MDC1: variants seen among roughly 807,000 people sequenced by gnomAD.
The protein encoded by MDC1 is mediator of DNA damage checkpoint protein 1.
MDC1 carries 81 observed loss-of-function variants against 142.5 expected under a neutral mutation model. That is an observed-to-expected ratio of 0.57 (90% confidence interval 0.47 to 0.68). The LOEUF (loss-of-function observed/expected upper bound fraction) is 0.68, where lower values mean the gene tolerates loss of function less well. Among genes scored for constraint, MDC1 ranks in the 30% least tolerant of loss-of-function variants. The pLI, the probability that MDC1 is intolerant of heterozygous loss-of-function variation, is 0.00. For missense variants in MDC1, 2,119 were observed against 2,547.9 expected (o/e 0.83, Z 3.62); for synonymous variants, 797 against 968.4 (o/e 0.82, Z 3.29).
At chr6:30,702,523 T>A (rs1416528743) in intron 14 of MDC1, 30 bp downstream of exon 14, 2 of 1,492,894 alleles carry the variant, frequency 1.3e-6, no homozygotes, top group Non-Finnish European at 1.8e-6. Context: ...CACTGCCACC[T>A]CACCCAGACC....
Position 30,703,298 on chromosome 6 carries a change from T to G in MDC1, c.5683-12A>C, listed in dbSNP as rs1348020025. 2 of 1,609,614 alleles carry G rather than the reference T, an allele frequency of 1.2e-6. No individual in the cohort carries two copies. Among genetic ancestry groups the G allele is most frequent in the Non-Finnish European group, 1.7e-6 (2 of 1,177,408 alleles). Reference sequence around the variant, plus strand: ...CCTGTGAAGAGCACCTGTGGAAGGGTTGACCTGAGGTGGTTACGGCAACCC... The same window carrying G: ...CCTGTGAAGAGCACCTGTGGAAGGGGTGACCTGAGGTGGTTACGGCAACCC... On this transcript the variant is annotated splice_polypyrimidine_tract_variant and intron_variant, in intron 11 of 14. Transcript: ENST00000376406. The surrounding 1 kb of genome is among the most constrained non-coding windows in gnomAD (Gnocchi z 4.4).
At position 30,707,258 on chromosome 6, in the gene MDC1, C is replaced by T. The variant is rs932878735; in HGVS notation, c.3084+126G>A. 2.7e-5 allele frequency: 27 copies of T among 995,416 alleles called. No homozygotes were observed. The African/African-American group carries it at 2.9e-4, about 11-fold the overall frequency. The allele number at this position is 995,416 out of a possible 1,614,324, so 61.7% of individuals were successfully genotyped here. On this transcript the variant is annotated intron_variant, in intron 9 of 14. Transcript: ENST00000376406. ...ATAAAGGAATAGAAGCCAATCAAGG[C>T]GTGACAAAAATGGAAGAAAACTGAA...
In MDC1 at chr6:30,713,527, T is replaced by C; in HGVS notation, c.587+121A>G. 8.0e-7 allele frequency: 1 copy of C among 1,253,314 alleles called. No individual in the cohort carries two copies. The highest frequency in any genetic ancestry group is 1.5e-5 in the South Asian group (1 of 67,258). The allele number at this position is 1,253,314 out of a possible 1,614,324, so 77.6% of individuals were successfully genotyped here. ...CTCCATAAAAATTCAGCTGAGTGAA[T>C]GAATATGTATGGTTCCCCAGCCCCA... On this transcript the variant is annotated intron_variant, in intron 4 of 14. Transcript: ENST00000376406. This position sits in a 1 kb window ranked among gnomAD's most constrained non-coding sequence, Gnocchi z 4.9.
Position 30,703,331 on chromosome 6 carries a change from C to T in MDC1, c.5683-45G>A. ...AGGTGGTTACGGCAACCCATGCCATCAGCACCCATCTCTACAATCCTCTAG... is the reference window on the plus strand; with the variant it reads ...AGGTGGTTACGGCAACCCATGCCATTAGCACCCATCTCTACAATCCTCTAG... On this transcript the variant is annotated intron_variant, in intron 11 of 14. Coordinates refer to ENST00000376406, the MANE Select transcript of MDC1 (RefSeq NM_014641.3). The surrounding 1 kb of genome is among the most constrained non-coding windows in gnomAD (Gnocchi z 4.4). 1.2e-6 allele frequency: 2 copies of T among 1,610,014 alleles called. No homozygotes were observed. The highest frequency in any genetic ancestry group is 1.7e-6 in the Non-Finnish European group (2 of 1,177,612).
Position 30,715,051 on chromosome 6 carries a change from C to T in MDC1, c.125G>A (p.Gly42Glu), listed in dbSNP as rs1775471002. 6.2e-7 allele frequency: 1 copy of T among 1,614,126 alleles called. No homozygotes were observed. The highest frequency in any genetic ancestry group is 8.5e-7 in the Non-Finnish European group (1 of 1,180,026). ...CAATACCCTCTGACCTTTTTCTGGT[C>T]CATGGGCACCACTAAAGATATGTAG... ...GRLHIFSGAH[G>E]PEKDFPLHLG... is the part of the protein sequence containing the mutation. The change falls in exon 2 of 15, where the codon GGA becomes GAA. Residue 42 changes from glycine (G) to glutamate (E), a missense_variant. Physicochemically the swap from Gly to Glu is moderately conservative, Grantham distance 98. Coordinates refer to ENST00000376406, the MANE Select transcript of MDC1 (RefSeq NM_014641.3). This position sits in a 1 kb window ranked among gnomAD's most constrained non-coding sequence, Gnocchi z 4.1.
At chr6:30,702,256 C>CAAAAAAAAAAAAAA (rs57764077) in intron 14 of MDC1, among the ~76,000 whole-genome samples, 7 of 59,140 alleles carry the variant, frequency 1.2e-4, no homozygotes, top group East Asian at 9.3e-4. Context: ...GACTCCATCT[C>CAAAAAAAAAAAAAA]AAAAAAAAAA....
At chr6:30,711,782 C>G in intron 5 of MDC1, 56 bp from the exon 6 acceptor site, 1 of 1,586,148 alleles carries the variant, frequency 6.3e-7, no homozygotes, top group East Asian at 2.2e-5. Context: ...TGACACTAAA[C>G]TCCTTAAATA....
At position 30,703,315 on chromosome 6, in the gene MDC1, C is replaced by A. The variant is rs775751090; in HGVS notation, c.5683-29G>T. On this transcript the variant is annotated intron_variant, in intron 11 of 14. Coordinates refer to ENST00000376406, the MANE Select transcript of MDC1 (RefSeq NM_014641.3). This position sits in a 1 kb window ranked among gnomAD's most constrained non-coding sequence, Gnocchi z 4.4. Reference sequence around the variant, plus strand: ...TGGAAGGGTTGACCTGAGGTGGTTACGGCAACCCATGCCATCAGCACCCAT... The same window carrying A: ...TGGAAGGGTTGACCTGAGGTGGTTAAGGCAACCCATGCCATCAGCACCCAT... The A allele has an allele frequency of 6.2e-7, 1 of 1,608,226 alleles. No individual in the cohort carries two copies. The highest frequency in any genetic ancestry group is 8.5e-7 in the Non-Finnish European group (1 of 1,176,386).
At position 30,713,800 on chromosome 6, in the gene MDC1, T is replaced by G; in HGVS notation, c.517+3A>C. On this transcript the variant is annotated splice_donor_region_variant and intron_variant, in intron 3 of 14. Transcript: ENST00000376406. This position sits in a 1 kb window ranked among gnomAD's most constrained non-coding sequence, Gnocchi z 4.9. ...CATTCTCCCTGCCAATATACAAACT[T>G]ACCTACTTCCTCCTCCGAGTCCTCA... The G allele has an allele frequency of 6.2e-7, 1 of 1,613,852 alleles. No individual in the cohort carries two copies. The highest frequency in any genetic ancestry group is 8.5e-7 in the Non-Finnish European group (1 of 1,179,788).
chr6:30,713,904 A>G lies in MDC1; in HGVS notation c.416T>C (p.Phe139Ser), dbSNP rs769616299. 6.2e-7 allele frequency: 1 copy of G among 1,613,586 alleles called. No individual in the cohort carries two copies. The highest frequency in any genetic ancestry group is 1.3e-5 in the African/African-American group (1 of 74,894). The stretch of plus-strand genomic sequence containing the variant: ...TACTGTCAGAGGGCCCCGGGAGACA[A>G]AGGGCAGAGAGACATCCAGGCGATG... ...QYHRLDVSLP[F>S]VSRGPLTVEE... The change falls in exon 3 of 15, where the codon TTT becomes TCT. Residue 139 changes from phenylalanine (F) to serine (S), a missense_variant. Coordinates refer to ENST00000376406, the MANE Select transcript of MDC1 (RefSeq NM_014641.3). This position sits in a 1 kb window ranked among gnomAD's most constrained non-coding sequence, Gnocchi z 4.9.
In MDC1 at chr6:30,703,603, TCCCAA is replaced by T. The variant is rs1773173812; in HGVS notation, c.5562+13_5562+17del. On this transcript the variant is annotated intron_variant, in intron 10 of 14. Transcript: ENST00000376406. The surrounding 1 kb of genome is among the most constrained non-coding windows in gnomAD (Gnocchi z 4.4). ...GAAGTCATTTTTCCCAGCTTTGTGGTCCCAACCCTCTCCTCACCTCTTCCTTCCCT... is the reference window on the plus strand; with the variant it reads ...GAAGTCATTTTTCCCAGCTTTGTGGTCCCTCTCCTCACCTCTTCCTTCCCT... 1.2e-6 allele frequency: 2 copies of T among 1,610,474 alleles called. No homozygotes were observed. Among genetic ancestry groups the T allele is most frequent in the East Asian group, 4.5e-5 (2 of 44,878 alleles).
chr6:30,708,288 TCA>T lies in MDC1; in HGVS notation c.2289_2290del (p.Glu764AspfsTer5), dbSNP rs772873032. 6.2e-7 allele frequency: 1 copy of T among 1,612,890 alleles called. No individual in the cohort carries two copies. The highest frequency in any genetic ancestry group is 1.7e-5 in the Admixed American group (1 of 60,002). On this transcript the variant is annotated frameshift_variant, in exon 8 of 15. Coordinates refer to ENST00000376406, the MANE Select transcript of MDC1 (RefSeq NM_014641.3). LOFTEE classifies it high-confidence loss of function. ...AAGGTGCGTGTCAAAAGGCTGGGTC[TCA>T]GAGTCCTCAGACTCTCTCAGACAGA... is the stretch of plus-strand genomic sequence containing the variant.
rs1363209470 is a variant in MDC1, at chr6:30,707,401, C to T, written c.3067G>A (p.Ala1023Thr). The part of the protein sequence containing the change: ...PAEKASRIRA[A>T]EKVSRGDQES... ...GCTCTCACCCTGGAAACCTTCTCAG[C>T]AGCTCTGATCCTGGAAGCCTTCTCA... Residue 1023 changes from alanine (A) to threonine (T), a missense_variant, in exon 9 of 15, where the codon GCT becomes ACT. Coordinates refer to ENST00000376406, the MANE Select transcript of MDC1 (RefSeq NM_014641.3). 2 of 1,613,096 alleles carry T rather than the reference C, an allele frequency of 1.2e-6. No individual in the cohort carries two copies. The highest frequency in any genetic ancestry group is 1.1e-5 in the South Asian group (1 of 91,088).
chr6:30,712,519 T>C lies in MDC1; in HGVS notation c.1423A>G (p.Thr475Ala), dbSNP rs28600312. ...ENREAVLKDH[T>A]KIRALVRAHS... ...GCTCTAACAAGGGCTCTAATCTTTG[T>C]GTGATCCTTGAGGACAGCTTCTCTA... The change falls in exon 5 of 15, where the codon ACA becomes GCA. Residue 475 changes from threonine to alanine, a missense_variant. Transcript: ENST00000376406. This position sits in a 1 kb window ranked among gnomAD's most constrained non-coding sequence, Gnocchi z 4.7. The C allele has an allele frequency of 2.5e-6, 4 of 1,613,080 alleles. No homozygotes were observed. Among genetic ancestry groups the C allele is most frequent in the Non-Finnish European group, 3.4e-6 (4 of 1,180,020 alleles).
Position 30,705,027 on chromosome 6 carries a change from CA to C in MDC1, c.4155del (p.Glu1386SerfsTer57), listed in dbSNP as rs1773504884. The C allele has an allele frequency of 8.7e-6, 14 of 1,607,996 alleles. No homozygotes were observed. The highest frequency in any genetic ancestry group is 1.2e-5 in the Non-Finnish European group (14 of 1,178,424). The stretch of plus-strand genomic sequence containing the variant: ...CCCCTAGTAGCCCGAGATGTGGGCT[CA>C]GGGGTGACAGGCTGCTCTGTGGAGG... The part of the protein sequence containing the change: ...PSTSTEQPVT[P>X]EPTSRATRGR... On this transcript the variant is annotated frameshift_variant, in exon 10 of 15. Transcript: ENST00000376406. LOFTEE classifies it high-confidence loss of function.
intron 14 of MDC1, among the ~76,000 whole-genome samples, chr6:30,702,155 C>A (rs1017266481): frequency 7.2e-6 from 1 of 139,622 alleles, no homozygotes; most frequent in Non-Finnish European, 1.5e-5. Flanking sequence ...CCCAGCTACT[C>A]GGGAGGCTGA....
chr6:30,704,005 G>A lies in MDC1; in HGVS notation c.5178C>T (p.Ala1726=), dbSNP rs746237964. ...TQPSCIKRQR[A]AGNPGSLAAP... ...CTGCGAGGGAGCCAGGGTTCCCAGCGGCTCTCTGCCTCTTGATGCAACTGG... is the reference window on the plus strand; with the variant it reads ...CTGCGAGGGAGCCAGGGTTCCCAGCAGCTCTCTGCCTCTTGATGCAACTGG... Residue 1726 remains alanine, a synonymous_variant, in exon 10 of 15, where the codon GCC becomes GCT. Coordinates refer to ENST00000376406, the MANE Select transcript of MDC1 (RefSeq NM_014641.3). 20 of 1,614,212 alleles carry A rather than the reference G, an allele frequency of 1.2e-5. No homozygotes were observed. Among genetic ancestry groups the A allele is most frequent in the South Asian group, 2.2e-5 (2 of 91,088 alleles).
At chr6:30,706,312 C>T (rs1225619049) in intron 9 of MDC1, among the ~76,000 whole-genome samples, 1 of 151,154 alleles carries the variant, frequency 6.6e-6, no homozygotes, top group Admixed American at 6.6e-5. Context: ...TAGTGAAACC[C>T]CGTCTCTACT....
At chr6:30,707,077 G>A (rs1242023864) in intron 9 of MDC1, among the ~76,000 whole-genome samples, 3 of 152,152 alleles carry the variant, frequency 2.0e-5, no homozygotes, top group Non-Finnish European at 4.4e-5. Context: ...CCACAGACCT[G>A]TCTCCATAAT....
Sources: gnomAD v4.1 joint callset for allele counts (sites outside exome capture counted in the v4.1 genomes callset) on GRCh38, gnomAD v4.1.1 for gene constraint, Gnocchi (gnomAD v3.1) non-coding constraint, MANE v1.5 for transcripts, NCBI Gene and HGNC (gene_info 2026-07-23, HGNC 2026-07-21) for gene names.